The following GNG2 variants were observed in gnomAD, a reference collection of about 807,000 sequenced individuals.
GNG2 encodes the protein G protein subunit gamma 2.
GNG2 carries 5 observed loss-of-function variants against 5.5 expected under a neutral mutation model. The ratio of observed to expected loss-of-function variants is 0.91; its 90% CI spans 0.48 to 1.92. GNG2 has a LOEUF of 1.92. Among genes scored for constraint, GNG2 ranks in the 30% most tolerant of loss-of-function variants. The pLI is 0.01. For missense variants in GNG2, 55 were observed against 88.4 expected (o/e 0.62, Z 1.52); for synonymous variants, 28 against 32.0 (o/e 0.88, Z 0.42).
In GNG2 at chr14:51,968,373, A is replaced by C. The variant is rs1032386264; in HGVS notation, c.*1686A>C. On this transcript the variant is annotated 3_prime_UTR_variant, in exon 4 of 4. Coordinates refer to ENST00000556766, the MANE Select transcript of GNG2 (RefSeq NM_053064.5). ...CTTTCTCCTGTTTTTTTTTTAAAAA[A>C]AAAGCATGAAAAAGGAAGAGAAAAA... The C allele has an allele frequency of 1.3e-5, 2 of 152,052 alleles. No individual in the cohort carries two copies. Among genetic ancestry groups the C allele is most frequent in the African/African-American group, 4.8e-5 (2 of 41,410 alleles). 9.4% of individuals were successfully genotyped at this position (152,052 alleles called of 1,614,324 possible). A position where few individuals can be genotyped will look rare whatever the true frequency, so the allele number is the denominator to read the frequency against.
At chr14:51,860,099 G>T (rs1882358934), upstream of GNG2, among the ~76,000 whole-genome samples, 1 of 151,556 alleles carries the variant, frequency 6.6e-6, no homozygotes. Context: ...GTGAGAAGCT[G>T]CAAGCTGCAA....
At chr14:51,885,606 C>T (rs959885886) in intron 2 of GNG2, among the ~76,000 whole-genome samples, 1 of 151,796 alleles carries the variant, frequency 6.6e-6, no homozygotes, top group East Asian at 1.9e-4. Flanking sequence ...CACACACACA[C>T]ACACCCCCGC....
chr14:51,831,375 C>T (rs1594827780), intron 2 of GNG2, among the ~76,000 whole-genome samples: 1 of 152,214 alleles, frequency 6.6e-6, no homozygotes, highest in East Asian at 1.9e-4. Flanking sequence ...GTATAGATCA[C>T]TGCATAGTCC....
In GNG2 at chr14:51,956,125, A is replaced by G. The variant is rs534747349; in HGVS notation, c.87+5360A>G. ...GGAATACAATCCTCCTTCTAGGCCA[A>G]TTCCAACCTCACCCTATATATCTCT... On this transcript the variant is annotated intron_variant, in intron 3 of 3. Coordinates refer to ENST00000556766, the MANE Select transcript of GNG2 (RefSeq NM_053064.5). Among the ~76,000 whole-genome samples the G allele has an allele frequency of 5.9e-5, 9 of 152,334 alleles. No homozygotes were observed. The South Asian group carries it at 1.2e-3, about 21-fold the overall frequency.
intron 2 of GNG2, among the ~76,000 whole-genome samples, chr14:51,836,181 T>G (rs912059467): frequency 1.9e-4 from 29 of 151,984 alleles, no homozygotes; most frequent in African/African-American, 6.8e-4. Flanking sequence ...AGGGCATGAA[T>G]CCCATTCAGG....
upstream of GNG2, among the ~76,000 whole-genome samples, chr14:51,856,102 T>A (rs574266432): frequency 1.1e-4 from 16 of 152,058 alleles, no homozygotes; most frequent in Non-Finnish European, 1.6e-4. Context: ...CACTTGAACC[T>A]GGGAGGTGGA....
intron 2 of GNG2, among the ~76,000 whole-genome samples, chr14:51,924,306 A>G (rs1887189270): frequency 6.6e-6 from 1 of 152,196 alleles, no homozygotes; most frequent in African/African-American, 2.4e-5. Flanking sequence ...ACCCCTATTA[A>G]ATTGTGAAGT....
chr14:51,851,030 C>T (rs1881884604), intron 2 of GNG2, among the ~76,000 whole-genome samples: 1 of 152,224 alleles, frequency 6.6e-6, no homozygotes, highest in East Asian at 1.9e-4. Context: ...TGCCAACCCA[C>T]CGTGGAGCTT....
intron 2 of GNG2, among the ~76,000 whole-genome samples, chr14:51,885,705 T>C (rs895574600): frequency 6.6e-6 from 1 of 152,214 alleles, no homozygotes; most frequent in African/African-American, 2.4e-5. Context: ...ATGTTAAATA[T>C]TAATAACATT....
intron 2 of GNG2, among the ~76,000 whole-genome samples, chr14:51,899,313 C>G (rs1885402587): frequency 1.3e-5 from 2 of 152,164 alleles, no homozygotes; most frequent in Non-Finnish European, 2.9e-5. Flanking sequence ...CTGAGCCAGC[C>G]CTACTCCCTT....
chr14:51,831,290 T>C (rs1276146631), intron 2 of GNG2, among the ~76,000 whole-genome samples: 2 of 152,224 alleles, frequency 1.3e-5, no homozygotes, highest in Non-Finnish European at 2.9e-5. Flanking sequence ...TCTAACATAC[T>C]GTATTTGTTT....
chr14:51,903,071 G>C (rs913031441), intron 2 of GNG2, among the ~76,000 whole-genome samples: 1 of 151,838 alleles, frequency 6.6e-6, no homozygotes, highest in African/African-American at 2.4e-5. Flanking sequence ...AGGAAATGAT[G>C]GTAAAGAAAA....
chr14:51,841,656 A>C (rs1383785359), intron 2 of GNG2: 1 of 658,142 alleles, frequency 1.5e-6, no homozygotes, highest in African/African-American at 1.8e-5. Context: ...ATTAAGGCAC[A>C]TGAAAAGGGA....
At chr14:51,866,372 A>G (rs1285127071) in intron 1 of GNG2, among the ~76,000 whole-genome samples, 2 of 152,202 alleles carry the variant, frequency 1.3e-5, no homozygotes, top group East Asian at 3.8e-4. Flanking sequence ...TTCAATGGAA[A>G]CCATTCAACC....
intron 1 of GNG2, among the ~76,000 whole-genome samples, chr14:51,874,249 C>T (rs1219360170): frequency 6.6e-6 from 1 of 151,920 alleles, no homozygotes; most frequent in Non-Finnish European, 1.5e-5. Flanking sequence ...AACGGTGAAA[C>T]CCCTTCTCTA....
intron 3 of GNG2, among the ~76,000 whole-genome samples, chr14:51,951,669 C>G (rs1353254762): frequency 6.6e-6 from 1 of 152,204 alleles, no homozygotes; most frequent in African/African-American, 2.4e-5. Context: ...AGCACCTGGG[C>G]AATCCAGCTG....
chr14:51,872,070 C>T (rs1309221433), intron 1 of GNG2, among the ~76,000 whole-genome samples: 1 of 152,172 alleles, frequency 6.6e-6, no homozygotes, highest in African/African-American at 2.4e-5. Context: ...CACTCTTAAG[C>T]CTGGGTCATA....
intron 2 of GNG2, among the ~76,000 whole-genome samples, chr14:51,935,888 C>T (rs1887973861): frequency 6.6e-6 from 1 of 152,152 alleles, no homozygotes; most frequent in African/African-American, 2.4e-5. Flanking sequence ...TATAATCACT[C>T]TGTCCCTTAA....
At position 51,877,628 on chromosome 14, in the gene GNG2, A is replaced by G. The variant is rs964230214; in HGVS notation, c.-59A>G. 5 of 456,056 alleles carry G rather than the reference A, an allele frequency of 1.1e-5. No homozygotes were observed. The Admixed American group carries it at 1.2e-4, about 11-fold the overall frequency. The allele number at this position is 456,056 out of a possible 1,614,324, so 28.3% of individuals were successfully genotyped here. On this transcript the variant is annotated 5_prime_UTR_variant, in exon 2 of 4. Transcript: ENST00000556766. ...TGCTTTCTCAACAGCCAGATCTGCC[A>G]GTGAGCCTCAGGCTTTAGGAACTGA...
Sources: gnomAD v4.1 joint callset for allele counts (sites outside exome capture counted in the v4.1 genomes callset) on GRCh38, gnomAD v4.1.1 for gene constraint, MANE v1.5 for transcripts, NCBI Gene and HGNC (gene_info 2026-07-23, HGNC 2026-07-21) for gene names.